NECTIN3: variants seen among roughly 807,000 people sequenced by gnomAD.
NECTIN3 encodes nectin cell adhesion molecule 3, also known as nectin-3.
In NECTIN3, 8 loss-of-function variants were observed where a neutral mutation model predicts 49.4. The ratio of observed to expected loss-of-function variants is 0.16; its 90% CI spans 0.10 to 0.29. The LOEUF is 0.29. Among genes scored for constraint, NECTIN3 ranks in the 10% least tolerant of loss-of-function variants. The pLI is 1.00. For missense variants in NECTIN3, 581 were observed against 654.6 expected, an observed-to-expected ratio of 0.89 and a Z score of 1.23; for synonymous variants, 277 against 241.1, an observed-to-expected ratio of 1.15 and a Z score of -1.38.
At chr3:111,120,879 T>C (rs1294721954) in intron 3 of NECTIN3, among the ~76,000 whole-genome samples, 3 of 152,102 alleles carry the variant, frequency 2.0e-5, no homozygotes, top group Non-Finnish European at 2.9e-5. Context: ...TTCTTGGCCC[T>C]CATAAGGAGT....
rs139575444 is a variant in NECTIN3 at position 111,089,406 on chromosome 3, C to CGTGTGT, written c.160+17248_160+17253dup. 9.3e-3 allele frequency among the ~76,000 whole-genome samples: 1,370 copies of CGTGTGT among 147,092 alleles called. 20 individuals carry two copies. The highest frequency in any genetic ancestry group is 0.027 in the African/African-American group (1,083 of 40,380). ...TAGATTACTGATTTTCAGCCTTTCT[C>CGTGTGT]GTGTGTGTGTGTGTGTGTGTGTGTA... On this transcript the variant is annotated intron_variant, in intron 1 of 5. Coordinates refer to ENST00000485303, the MANE Select transcript of NECTIN3 (RefSeq NM_015480.3).
chr3:111,118,977 T>G (rs1472436521), intron 3 of NECTIN3, 25 bp downstream of exon 3: 2 of 1,518,882 alleles, frequency 1.3e-6, no homozygotes, highest in Non-Finnish European at 1.8e-6. Context: ...ACATTTACTT[T>G]TTAAATATTT....
At chr3:111,167,080 G>A (rs2035332939) in intron 7 of NECTIN3, among the ~76,000 whole-genome samples, 1 of 152,078 alleles carries the variant, frequency 6.6e-6, no homozygotes, top group South Asian at 2.1e-4. Context: ...ACACGTAGGT[G>A]ATTCACCCAT....
At chr3:111,119,931 A>G (rs1369911515) in intron 3 of NECTIN3, among the ~76,000 whole-genome samples, 3 of 152,150 alleles carry the variant, frequency 2.0e-5, no homozygotes, top group Admixed American at 2.0e-4. Flanking sequence ...ACACATATTC[A>G]TTACACTTGG....
intron 1 of NECTIN3, among the ~76,000 whole-genome samples, chr3:111,081,212 C>T (rs923602903): frequency 3.3e-5 from 5 of 152,302 alleles, no homozygotes; most frequent in East Asian, 1.9e-4. Context: ...GCCCGGAAGG[C>T]TGAGGCTGTA....
At chr3:111,074,633 G>A (rs997562404) in intron 1 of NECTIN3, among the ~76,000 whole-genome samples, 1 of 151,990 alleles carries the variant, frequency 6.6e-6, no homozygotes, top group African/African-American at 2.4e-5. Context: ...TGTTTTGGGG[G>A]TGTGCATTAT....
At chr3:111,145,938 A>C (rs1375959529) in intron 6 of NECTIN3, among the ~76,000 whole-genome samples, 1 of 152,216 alleles carries the variant, frequency 6.6e-6, no homozygotes, top group Non-Finnish European at 1.5e-5. Flanking sequence ...CAGCTCTGTC[A>C]TGATCAAATT....
chr3:111,191,856 C>T (rs190406930), upstream of NECTIN3, among the ~76,000 whole-genome samples: 4 of 152,238 alleles, frequency 2.6e-5, no homozygotes, highest in African/African-American at 9.6e-5. Context: ...GAAACCGAAT[C>T]TTGGTTGCTC....
chr3:111,127,380 A>G lies in NECTIN3; in HGVS notation c.1069+1045A>G, dbSNP rs558376040. 7.3e-5 allele frequency among the ~76,000 whole-genome samples: 11 copies of G among 151,362 alleles called. No individual in the cohort carries two copies. The South Asian group carries it at 1.5e-3, about 20-fold the overall frequency. ...TCTTTGCTTATTATTTATCTTCACA[A>G]TTCAGCAATTTGTGCTTGCTTTATT... On this transcript the variant is annotated intron_variant, in intron 5 of 5. Transcript: ENST00000485303.
Position 111,134,414 on chromosome 3 carries a change from A to G in NECTIN3, c.*199A>G, listed in dbSNP as rs950949756. 1.5e-6 allele frequency: 2 copies of G among 1,316,294 alleles called. No individual in the cohort carries two copies. The highest frequency in any genetic ancestry group is 3.0e-5 in the East Asian group (1 of 33,310). 81.5% of individuals were successfully genotyped at this position (1,316,294 alleles called of 1,614,324 possible). A position where few individuals can be genotyped will look rare whatever the true frequency, so the allele number is the denominator to read the frequency against. On this transcript the variant is annotated 3_prime_UTR_variant, in exon 6 of 6. Coordinates refer to ENST00000485303, the MANE Select transcript of NECTIN3 (RefSeq NM_015480.3). ...TAAGCTGCTTTACAATTTTTTTTCA[A>G]TGCTGTACTACTGTCTCAAGATTTA...
intron 4 of NECTIN3, among the ~76,000 whole-genome samples, chr3:111,123,054 T>G (rs1031116680): frequency 6.6e-6 from 1 of 151,992 alleles, no homozygotes; most frequent in East Asian, 1.9e-4. Flanking sequence ...ATTGACTTAA[T>G]GATATAAATT....
chr3:111,184,319 G>C (rs531980070), intron 7 of NECTIN3, among the ~76,000 whole-genome samples: 1 of 152,122 alleles, frequency 6.6e-6, no homozygotes, highest in Non-Finnish European at 1.5e-5. Flanking sequence ...GCTTTGAAAA[G>C]TCATATTGAA....
chr3:111,092,068 A>G (rs367910218), intron 1 of NECTIN3, among the ~76,000 whole-genome samples: 1 of 152,140 alleles, frequency 6.6e-6, no homozygotes, highest in Admixed American at 6.5e-5. Flanking sequence ...TCATTTGCTT[A>G]TTGGCCATTT....
chr3:111,148,967 A>G (rs2034941336), intron 7 of NECTIN3, among the ~76,000 whole-genome samples: 1 of 152,116 alleles, frequency 6.6e-6, no homozygotes, highest in South Asian at 2.1e-4. Flanking sequence ...GAATGTAGAA[A>G]AAAGTCTTAG....
intron 7 of NECTIN3, among the ~76,000 whole-genome samples, chr3:111,151,274 T>C (rs1321737150): frequency 1.3e-5 from 2 of 151,808 alleles, no homozygotes; most frequent in African/African-American, 4.8e-5. Context: ...TTTGAATGAG[T>C]AGGTAAAGGA....
intron 4 of NECTIN3, among the ~76,000 whole-genome samples, chr3:111,123,762 A>G (rs946668956): frequency 8.5e-5 from 13 of 152,048 alleles, no homozygotes; most frequent in Non-Finnish European, 1.0e-4. Context: ...TGTGTTTTTC[A>G]TAAGCAACCC....
intron 7 of NECTIN3, among the ~76,000 whole-genome samples, chr3:111,178,657 G>C (rs554595013): frequency 6.6e-6 from 1 of 152,138 alleles, no homozygotes; most frequent in Non-Finnish European, 1.5e-5. Flanking sequence ...GGCAAAGCTC[G>C]CCAGTCTTGA....
chr3:111,178,964 A>G (rs1209552862), intron 7 of NECTIN3, among the ~76,000 whole-genome samples: 1 of 152,214 alleles, frequency 6.6e-6, no homozygotes, highest in Non-Finnish European at 1.5e-5. Context: ...GTATAACCAA[A>G]GCATCTTAAA....
intron 1 of NECTIN3, chr3:111,193,057 A>G (rs2035841112): frequency 2.8e-6 from 2 of 706,398 alleles, no homozygotes; most frequent in Non-Finnish European, 4.6e-6. Flanking sequence ...AAGTTGTTGA[A>G]CTTTACCTTG....
Sources: gnomAD v4.1 joint callset for allele counts (sites outside exome capture counted in the v4.1 genomes callset) on GRCh38, gnomAD v4.1.1 for gene constraint, MANE v1.5 for transcripts, NCBI Gene and HGNC (gene_info 2026-07-23, HGNC 2026-07-21) for gene names.